PPIL4: variants seen among roughly 807,000 people sequenced by gnomAD.
PPIL4 encodes peptidyl-prolyl cis-trans isomerase-like 4.
Under a neutral mutation model 69.1 loss-of-function variants are expected in PPIL4, and 50 were observed. The ratio of observed to expected loss-of-function variants is 0.72; its 90% CI spans 0.58 to 0.92. The LOEUF is 0.92. PPIL4 is among the 40% of genes least tolerant of loss of function. The pLI is 0.00. For synonymous variants in PPIL4, 193 were observed against 191.6 expected, an observed-to-expected ratio of 1.01 and a Z score of -0.06; for missense variants, 480 against 587.9, an observed-to-expected ratio of 0.82 and a Z score of 1.90.
At chr6:149,540,555 C>T (rs1305016741) in intron 4 of PPIL4, among the ~76,000 whole-genome samples, 1 of 152,142 alleles carries the variant, frequency 6.6e-6, no homozygotes, top group African/African-American at 2.4e-5. Context: ...GGAGAGGTTG[C>T]AGTGAGCCGA....
chr6:149,542,628 T>C (rs1777380883), intron 1 of PPIL4, among the ~76,000 whole-genome samples: 1 of 151,516 alleles, frequency 6.6e-6, no homozygotes, highest in Non-Finnish European at 1.5e-5. Flanking sequence ...ATTAATAACA[T>C]GTGTGCCACT....
intron 7 of PPIL4, among the ~76,000 whole-genome samples, chr6:149,529,102 G>A (rs1343224832): frequency 1.3e-5 from 2 of 151,942 alleles, no homozygotes; most frequent in East Asian, 1.9e-4. Context: ...GTGGTGGCGT[G>A]TGCCTATAGT....
In PPIL4 at chr6:149,521,176, T is replaced by C. The variant is rs750232276; in HGVS notation, c.871-5A>G. Reference sequence around the variant, plus strand: ...TGCTTTCTCACAATCTTCTTCCTGATAATAATTATAAAAACTCAAGCATAA... The same window carrying C: ...TGCTTTCTCACAATCTTCTTCCTGACAATAATTATAAAAACTCAAGCATAA... On this transcript the variant is annotated splice_region_variant and splice_polypyrimidine_tract_variant and intron_variant, in intron 9 of 12. Coordinates refer to ENST00000253329, the MANE Select transcript of PPIL4 (RefSeq NM_139126.4). 5.5e-6 allele frequency: 8 copies of C among 1,451,432 alleles called. No homozygotes were observed. The highest frequency in any genetic ancestry group is 9.6e-7 in the Non-Finnish European group (1 of 1,043,440). The allele number at this position is 1,451,432 out of a possible 1,614,324, so 89.9% of individuals were successfully genotyped here.
intron 4 of PPIL4, among the ~76,000 whole-genome samples, chr6:149,538,970 C>A (rs1777320419): frequency 6.6e-6 from 1 of 152,268 alleles, no homozygotes; most frequent in African/African-American, 2.4e-5. Context: ...TCTCAGCCTC[C>A]CAAGTAGCTG....
chr6:149,535,891 A>G (rs1777268292), intron 4 of PPIL4, among the ~76,000 whole-genome samples, 153 bp from the exon 5 acceptor site: 1 of 152,278 alleles, frequency 6.6e-6, no homozygotes, highest in Non-Finnish European at 1.5e-5. Flanking sequence ...AGTAAAAAGT[A>G]CAAAGCTTAT....
chr6:149,519,441 C>G (rs895311785), intron 10 of PPIL4, among the ~76,000 whole-genome samples: 2 of 152,194 alleles, frequency 1.3e-5, no homozygotes, highest in African/African-American at 4.8e-5. Flanking sequence ...AATATACTTA[C>G]TGGAATCTTT....
chr6:149,510,299 C>A (rs995002819), intron 12 of PPIL4, among the ~76,000 whole-genome samples: 2 of 151,984 alleles, frequency 1.3e-5, no homozygotes, highest in Non-Finnish European at 2.9e-5. Context: ...TAGTTACCCA[C>A]AGAGGGAAGA....
Position 149,505,511 on chromosome 6 carries a change from CTCTT to C in PPIL4, c.1417_1420del (p.Lys473GlufsTer22). ...CTTCTTTGGACTTCTGCTTCGGTCT[CTCTT>C]TTTACTCCTTTCTCTTTCATAAAGA... On this transcript the variant is annotated frameshift_variant, in exon 13 of 13. Coordinates refer to ENST00000253329, the MANE Select transcript of PPIL4 (RefSeq NM_139126.4). LOFTEE classifies it high-confidence loss of function. The C allele has an allele frequency of 8.7e-6, 14 of 1,613,984 alleles. No homozygotes were observed. The highest frequency in any genetic ancestry group is 1.1e-5 in the Non-Finnish European group (13 of 1,179,936).
intron 4 of PPIL4, among the ~76,000 whole-genome samples, chr6:149,536,221 C>A (rs1328183058): frequency 6.6e-6 from 1 of 152,134 alleles, no homozygotes; most frequent in African/African-American, 2.4e-5. Flanking sequence ...ACCAGCCATT[C>A]CCATCTTTCT....
At chr6:149,534,813 G>A in intron 5 of PPIL4, 39 bp from the exon 6 acceptor site, 1 of 1,164,134 alleles carries the variant, frequency 8.6e-7, no homozygotes, top group Non-Finnish European at 1.2e-6. Flanking sequence ...ATACATTGAA[G>A]TTATTTCAGA....
rs183404665 is a variant in PPIL4 at position 149,530,196 on chromosome 6, C to A, written c.678+3262G>T. On this transcript the variant is annotated intron_variant, in intron 7 of 12. Transcript: ENST00000253329. ...GCTCATCAATTGTTAACAAATGTGT[C>A]ACAATAATGCAAGACTGGGGGAAAG... 1.3e-3 allele frequency among the ~76,000 whole-genome samples: 202 copies of A among 152,134 alleles called. 1 individual carries two copies. Among genetic ancestry groups the A allele is most frequent in the African/African-American group, 4.8e-3 (201 of 41,494 alleles).
chr6:149,515,440 T>C (rs757573620), intron 11 of PPIL4, among the ~76,000 whole-genome samples: 3 of 152,208 alleles, frequency 2.0e-5, no homozygotes, highest in Non-Finnish European at 4.4e-5. Flanking sequence ...TTAATGCCAC[T>C]TTTTTCAGTG....
intron 5 of PPIL4, 135 bp downstream of exon 5, chr6:149,535,461 T>C (rs182717066): frequency 1.0e-5 from 5 of 489,186 alleles, no homozygotes; most frequent in African/African-American, 2.0e-5. Flanking sequence ...TACAGTCTTA[T>C]ATTAATTCAC....
chr6:149,540,887 C>G (rs116092456), intron 4 of PPIL4, 55 bp downstream of exon 4: 7 of 1,065,414 alleles, frequency 6.6e-6, no homozygotes, highest in African/African-American at 6.2e-5. Flanking sequence ...ACTCTGTGGG[C>G]TCCTTCCAGT....
At chr6:149,515,038 A>G (rs771772517) in intron 11 of PPIL4, among the ~76,000 whole-genome samples, 29 of 151,566 alleles carry the variant, frequency 1.9e-4, no homozygotes, top group Non-Finnish European at 3.5e-4. Flanking sequence ...GAGTTTCTGC[A>G]TGTTGGCCAG....
intron 9 of PPIL4, 41 bp downstream of exon 9, chr6:149,525,102 A>G: frequency 1.9e-6 from 2 of 1,071,410 alleles, no homozygotes; most frequent in Non-Finnish European, 2.8e-6. Context: ...TACCATATAA[A>G]AGCAAATAAA....
chr6:149,537,808 A>G (rs566936443), intron 4 of PPIL4, among the ~76,000 whole-genome samples: 2 of 152,348 alleles, frequency 1.3e-5, no homozygotes, highest in Non-Finnish European at 2.9e-5. Flanking sequence ...GGGTTTATCA[A>G]ATATTTTAAG....
intron 9 of PPIL4, among the ~76,000 whole-genome samples, chr6:149,523,930 C>A (rs1328483469): frequency 6.6e-6 from 1 of 152,198 alleles, no homozygotes; most frequent in African/African-American, 2.4e-5. Flanking sequence ...TCTGGTACAT[C>A]TGACACAGTG....
At chr6:149,525,612 CATAT>C (rs1036459720) in intron 8 of PPIL4, among the ~76,000 whole-genome samples, 1 of 152,078 alleles carries the variant, frequency 6.6e-6, no homozygotes, top group Non-Finnish European at 1.5e-5. Context: ...CATACTCATA[CATAT>C]ATAAATGTTT....
Sources: allele counts gnomAD v4.1 joint callset (sites outside exome capture counted in the v4.1 genomes callset), GRCh38; gene constraint gnomAD v4.1.1; transcripts MANE v1.5; gene names NCBI Gene and HGNC (gene_info 2026-07-23, HGNC 2026-07-21).